VWC2L: variants seen among roughly 807,000 people sequenced by gnomAD.
The protein encoded by VWC2L is von Willebrand factor C domain-containing protein 2-like.
VWC2L carries 10 observed loss-of-function variants against 21.6 expected under a neutral mutation model. The ratio of observed to expected loss-of-function variants is 0.46; its 90% CI spans 0.29 to 0.78. The LOEUF (loss-of-function observed/expected upper bound fraction) is 0.78. Ranked by LOEUF, VWC2L falls within the 30% of genes least tolerant of loss-of-function variation. VWC2L has a pLI of 0.10. For synonymous variants in VWC2L, 96 were observed against 94.3 expected, an observed-to-expected ratio of 1.02 and a Z score of -0.10; for missense variants, 209 against 277.1, an observed-to-expected ratio of 0.75 and a Z score of 1.74.
At chr2:214,572,889 C>T (rs1442471912) in intron 3 of VWC2L, among the ~76,000 whole-genome samples, 1 of 152,122 alleles carries the variant, frequency 6.6e-6, no homozygotes, top group Non-Finnish European at 1.5e-5. Flanking sequence ...ATATGATTTA[C>T]AGAAGTGCCT....
chr2:214,541,472 A>G (rs1474147515), intron 3 of VWC2L, among the ~76,000 whole-genome samples: 1 of 152,208 alleles, frequency 6.6e-6, no homozygotes, highest in East Asian at 1.9e-4. Flanking sequence ...ATAGAATAGG[A>G]ACTCAAACAT....
At chr2:214,510,065 A>G (rs1316814127) in intron 3 of VWC2L, 1 of 152,250 alleles carries the variant, frequency 6.6e-6, no homozygotes, top group East Asian at 1.9e-4. Context: ...TTGGTACAGA[A>G]GTCACCTGAC....
At chr2:214,569,581 G>A (rs563419149) in intron 3 of VWC2L, among the ~76,000 whole-genome samples, 21 of 152,160 alleles carry the variant, frequency 1.4e-4, no homozygotes, top group African/African-American at 4.8e-4. Flanking sequence ...ATTTGCTCTC[G>A]CAAGCCAATA....
rs1181905703 is a variant in VWC2L at position 214,525,760 on chromosome 2, G to A, written c.521-49912G>A. Among the ~76,000 whole-genome samples, 5 of 152,296 alleles carry A rather than the reference G, an allele frequency of 3.3e-5. No homozygotes were observed. In the East Asian group the frequency reaches 9.6e-4, roughly 29 times the overall value. On this transcript the variant is annotated intron_variant, in intron 3 of 3. Coordinates refer to ENST00000312504, the MANE Select transcript of VWC2L (RefSeq NM_001080500.4). ...ATAGTCAATGATTGTTGTGACATGA[G>A]CATTAAAAACAAATAACTGTCCACT...
At chr2:214,427,725 T>C (rs1702545935) in intron 2 of VWC2L, among the ~76,000 whole-genome samples, 1 of 152,192 alleles carries the variant, frequency 6.6e-6, no homozygotes, top group African/African-American at 2.4e-5. Context: ...ATTTCTTACA[T>C]AAAATGGATT....
intron 3 of VWC2L, among the ~76,000 whole-genome samples, chr2:214,527,247 G>C (rs1689354990): frequency 6.6e-6 from 1 of 152,156 alleles, no homozygotes; most frequent in East Asian, 1.9e-4. Flanking sequence ...GATTATTAGA[G>C]GGTGGAGGGA....
chr2:214,433,027 G>GA lies in VWC2L; in HGVS notation c.391-3588dup, dbSNP rs34913555. Among the ~76,000 whole-genome samples the GA allele has an allele frequency of 4.1e-3, 436 of 106,854 alleles. 3 individuals carry two copies. Among genetic ancestry groups the GA allele is most frequent in the African/African-American group, 0.011 (347 of 30,182 alleles). The allele number at this position is 106,854 out of a possible 152,430, so 70.1% of individuals were successfully genotyped here. A position where few individuals can be genotyped will look rare whatever the true frequency, so the allele number is the denominator to read the frequency against. ...ACACAGTAAGACTCCATCTCAAGAA[G>GA]AAAAAAAAAAAAAAGTATGTATTCA... On this transcript the variant is annotated intron_variant, in intron 2 of 3. Coordinates refer to ENST00000312504, the MANE Select transcript of VWC2L (RefSeq NM_001080500.4).
At chr2:214,488,896 T>C (rs1035301589) in intron 3 of VWC2L, among the ~76,000 whole-genome samples, 10 of 152,128 alleles carry the variant, frequency 6.6e-5, no homozygotes, top group African/African-American at 1.7e-4. Flanking sequence ...GAGAACTCAC[T>C]CACTGCCACC....
intron 3 of VWC2L, among the ~76,000 whole-genome samples, chr2:214,567,686 G>T (rs1690089599): frequency 6.6e-6 from 1 of 151,836 alleles, no homozygotes; most frequent in African/African-American, 2.4e-5. Context: ...AAACTTGGAG[G>T]AAATGAAAAG....
intron 3 of VWC2L, among the ~76,000 whole-genome samples, chr2:214,542,086 T>C (rs941923800): frequency 1.3e-5 from 2 of 152,160 alleles, no homozygotes; most frequent in Non-Finnish European, 2.9e-5. Flanking sequence ...CTGATGACAG[T>C]CTGCCTGGCT....
chr2:214,473,440 T>A (rs1256350569), intron 3 of VWC2L, among the ~76,000 whole-genome samples: 1 of 152,138 alleles, frequency 6.6e-6, no homozygotes, highest in African/African-American at 2.4e-5. Flanking sequence ...AAGACCCAGC[T>A]CCCATGCCTG....
chr2:214,457,428 A>G (rs377383711), intron 3 of VWC2L, among the ~76,000 whole-genome samples: 6 of 152,178 alleles, frequency 3.9e-5, no homozygotes, highest in East Asian at 3.9e-4. Flanking sequence ...TATTAACATC[A>G]TATCTGCAAA....
chr2:214,477,931 A>C (rs774491425), intron 3 of VWC2L, among the ~76,000 whole-genome samples: 1 of 152,198 alleles, frequency 6.6e-6, no homozygotes, highest in Non-Finnish European at 1.5e-5. Flanking sequence ...ATGAAAAAAA[A>C]CTTTCTTTTT....
intron 3 of VWC2L, chr2:214,533,975 C>G (rs1410056552): frequency 6.6e-6 from 1 of 152,578 alleles, no homozygotes; most frequent in Non-Finnish European, 1.5e-5. Context: ...TCAATTCTCT[C>G]TTTTTCTTTC....
intron 3 of VWC2L, among the ~76,000 whole-genome samples, chr2:214,461,827 G>A (rs987253562): frequency 1.3e-5 from 2 of 152,178 alleles, no homozygotes; most frequent in African/African-American, 2.4e-5. Flanking sequence ...GAGAAAGCCC[G>A]CAACCAGGAC....
In VWC2L at chr2:214,577,932, G is replaced by A. The variant is rs1447247151; in HGVS notation, c.*2112G>A. The A allele has an allele frequency of 2.0e-5, 3 of 152,134 alleles. No individual in the cohort carries two copies. Among genetic ancestry groups the A allele is most frequent in the African/African-American group, 7.2e-5 (3 of 41,436 alleles). The allele number at this position is 152,134 out of a possible 1,614,324, so 9.4% of individuals were successfully genotyped here. On this transcript the variant is annotated 3_prime_UTR_variant, in exon 4 of 4. Transcript: ENST00000312504. The stretch of plus-strand genomic sequence containing the variant: ...AGAACACCAATTTGCAGCAAGGTTG[G>A]TGCCTTTCATTTGCCACCATGGATA...
intron 3 of VWC2L, among the ~76,000 whole-genome samples, chr2:214,447,834 TGAA>T (rs144893435): frequency 8.9e-4 from 136 of 152,204 alleles, no homozygotes; most frequent in African/African-American, 2.7e-3. Context: ...ACGTCATTGT[TGAA>T]GAAGGATGCT....
intron 3 of VWC2L, among the ~76,000 whole-genome samples, chr2:214,493,476 T>G (rs1403012464): frequency 6.6e-6 from 1 of 152,212 alleles, no homozygotes; most frequent in Non-Finnish European, 1.5e-5. Flanking sequence ...CCTTTGTCCT[T>G]CCATCCTTTG....
intron 3 of VWC2L, among the ~76,000 whole-genome samples, chr2:214,556,911 G>A (rs1275535703): frequency 6.6e-6 from 1 of 152,064 alleles, no homozygotes; most frequent in Non-Finnish European, 1.5e-5. Flanking sequence ...CACTTGTACA[G>A]GGCACACTTC....
Sources: gnomAD v4.1 joint callset for allele counts (sites outside exome capture counted in the v4.1 genomes callset) on GRCh38, gnomAD v4.1.1 for gene constraint, MANE v1.5 for transcripts, NCBI Gene and HGNC (gene_info 2026-07-23, HGNC 2026-07-21) for gene names.